The following MCTP2 variants were observed in gnomAD, a reference collection of about 807,000 sequenced individuals.
MCTP2 encodes multiple C2 and transmembrane domain-containing protein 2.
MCTP2 carries 132 observed loss-of-function variants against 111.6 expected under a neutral mutation model. The ratio of observed to expected loss-of-function variants is 1.18; its 90% confidence interval spans 1.03 to 1.37. The LOEUF is 1.37. Among genes scored for constraint, MCTP2 ranks in the 40% most tolerant of loss-of-function variants. MCTP2 has a pLI of 0.00. For missense variants in MCTP2, 1,183 were observed against 1,067.9 expected (o/e 1.11, Z -1.50); for synonymous variants, 395 against 387.7 (o/e 1.02, Z -0.22).
intron 4 of MCTP2, among the ~76,000 whole-genome samples, chr15:94,334,045 A>C (rs2077245603): frequency 6.6e-6 from 1 of 152,184 alleles, no homozygotes; most frequent in Admixed American, 6.5e-5. Flanking sequence ...ATCAAAGTAA[A>C]ATAAATGAAT....
intron 1 of MCTP2, among the ~76,000 whole-genome samples, chr15:94,272,806 G>T (rs1242170735): frequency 2.0e-5 from 3 of 151,998 alleles, no homozygotes; most frequent in South Asian, 2.1e-4. Flanking sequence ...ACCACTAAGT[G>T]TTGGAGTTCT....
intron 14 of MCTP2, among the ~76,000 whole-genome samples, chr15:94,394,049 C>CA (rs767685107): frequency 0.36 from 21,553 of 60,708 alleles, 3,643 homozygotes; most frequent in East Asian, 0.69. Context: ...AACTCCATCT[C>CA]AAAAAAAAAA....
intron 17 of MCTP2, among the ~76,000 whole-genome samples, chr15:94,411,021 C>G (rs1403569856): frequency 6.6e-6 from 1 of 152,228 alleles, no homozygotes; most frequent in Non-Finnish European, 1.5e-5. Flanking sequence ...GCTGGAAAAT[C>G]TCTAACTGCC....
chr15:94,464,402 T>TAATGTTGTTTATAACATCCTCTTATTC (rs2085471606), intron 20 of MCTP2, among the ~76,000 whole-genome samples: 2 of 151,022 alleles, frequency 1.3e-5, no homozygotes, highest in East Asian at 3.9e-4. Flanking sequence ...TCCTCTTATT[T>TAATGTTGTTTATAACATCCTCTTATTC]AATGTCAGTA....
chr15:94,355,518 C>T (rs1399112540), intron 8 of MCTP2, among the ~76,000 whole-genome samples: 2 of 152,178 alleles, frequency 1.3e-5, no homozygotes, highest in East Asian at 1.9e-4. Flanking sequence ...TGAACCCCTC[C>T]TGGGTCCCAG....
intron 3 of MCTP2, 33 bp downstream of exon 3, chr15:94,314,377 T>C: frequency 6.9e-7 from 1 of 1,458,000 alleles, no homozygotes; most frequent in Non-Finnish European, 9.5e-7. Context: ...AAACATTAAA[T>C]GTTGTAGATA....
At chr15:94,453,276 A>G (rs367768574) in intron 19 of MCTP2, among the ~76,000 whole-genome samples, 205 of 152,360 alleles carry the variant, frequency 1.3e-3, no homozygotes, top group African/African-American at 4.5e-3. Context: ...ACAACCAGGA[A>G]TGACCCATCT....
intron 16 of MCTP2, among the ~76,000 whole-genome samples, chr15:94,400,617 T>C (rs1261490332): frequency 1.3e-5 from 2 of 151,898 alleles, no homozygotes; most frequent in Admixed American, 6.6e-5. Context: ...TTTTTTTTTT[T>C]TTCCGTGACC....
intron 19 of MCTP2, among the ~76,000 whole-genome samples, chr15:94,443,503 G>T (rs2083907414): frequency 6.6e-6 from 1 of 152,176 alleles, no homozygotes. Context: ...CAAGTGAAAT[G>T]CCAAATGAGA....
chr15:94,283,557 T>C (rs180925007), intron 1 of MCTP2, among the ~76,000 whole-genome samples: 325 of 152,282 alleles, frequency 2.1e-3, no homozygotes, highest in African/African-American at 7.5e-3. Context: ...TCCATGCCTA[T>C]TTCATTCACC....
intron 19 of MCTP2, among the ~76,000 whole-genome samples, chr15:94,450,442 CT>C (rs2084375294): frequency 6.6e-6 from 1 of 152,224 alleles, no homozygotes; most frequent in South Asian, 2.1e-4. Context: ...TGGTGCATTG[CT>C]GGGATTCCCA....
At chr15:94,355,454 G>A (rs139863623) in intron 8 of MCTP2, among the ~76,000 whole-genome samples, 3 of 152,154 alleles carry the variant, frequency 2.0e-5, no homozygotes, top group East Asian at 1.9e-4. Context: ...TTCCTCCAAG[G>A]TATGTATGAG....
intron 12 of MCTP2, among the ~76,000 whole-genome samples, chr15:94,374,700 C>A (rs2079663443): frequency 6.6e-6 from 1 of 152,150 alleles, no homozygotes; most frequent in South Asian, 2.1e-4. Flanking sequence ...GGCCATTCTT[C>A]AGTCTCCCTC....
At position 94,317,802 on chromosome 15, in the gene MCTP2, C is replaced by T. The variant is rs915109919; in HGVS notation, c.637+2165C>T. Reference sequence around the variant, plus strand: ...TGTCCTTTTTTTTCTTAAAATTTCTCTCTCTCTTGCTCATGTTTTCTCAGA... The same window carrying T: ...TGTCCTTTTTTTTCTTAAAATTTCTTTCTCTCTTGCTCATGTTTTCTCAGA... On this transcript the variant is annotated intron_variant, in intron 4 of 22. Coordinates refer to ENST00000357742, the MANE Select transcript of MCTP2 (RefSeq NM_001385001.1). Among the ~76,000 whole-genome samples, 4 of 152,208 alleles carry T rather than the reference C, an allele frequency of 2.6e-5. No individual in the cohort carries two copies. The South Asian group carries it at 8.3e-4, about 32-fold the overall frequency.
chr15:94,384,179 GC>G, intron 13 of MCTP2, 55 bp downstream of exon 13: 1 of 1,202,778 alleles, frequency 8.3e-7, no homozygotes, highest in South Asian at 1.3e-5. Flanking sequence ...GTAGTCTGGG[GC>G]TCTTGAGTGG....
chr15:94,383,093 A>G (rs1485973220), intron 12 of MCTP2, among the ~76,000 whole-genome samples: 2 of 152,164 alleles, frequency 1.3e-5, no homozygotes, highest in East Asian at 3.8e-4. Context: ...TTATTGAGTT[A>G]TACTTTTTTT....
In MCTP2 at chr15:94,358,528, T is replaced by G. The variant is rs567376200; in HGVS notation, c.1217T>G (p.Phe406Cys). 1 of 1,613,804 alleles carries G rather than the reference T, an allele frequency of 6.2e-7. No individual in the cohort carries two copies. The highest frequency in any genetic ancestry group is 1.7e-5 in the Admixed American group (1 of 60,008). Residue 406 changes from phenylalanine to cysteine, a missense_variant, in exon 10 of 23, where the codon TTT (phenylalanine) becomes TGT (cysteine). Coordinates refer to ENST00000357742, the MANE Select transcript of MCTP2 (RefSeq NM_001385001.1). ...CCGCAGTGGCAGGAACAGTTTGACT[T>G]TCACTACTTCTCTGACAGGATGGGC... ...ANPQWQEQFD[F>C]HYFSDRMGIL...
Position 94,399,924 on chromosome 15 carries a change from A to T in MCTP2, c.1894A>T (p.Lys632Ter). The change falls in exon 16 of 23, where the codon AAA (lysine) becomes TAA (stop). Residue 632 changes from lysine (K) to a stop codon, truncating the protein, a stop_gained. Coordinates refer to ENST00000357742, the MANE Select transcript of MCTP2 (RefSeq NM_001385001.1). LOFTEE classifies it high-confidence loss of function. The stretch of plus-strand genomic sequence containing the variant: ...TTAACAAGGATGTCTTTTCTAGGTG[A>T]AAGCAAGTATTAGGACTTTTACTCC... Reference protein sequence around the residue: ...LEMDLIYNPVKASIRTFTPRE... With the variant: ...LEMDLIYNPV 6.2e-7 allele frequency: 1 copy of T among 1,613,806 alleles called. No homozygotes were observed. Among genetic ancestry groups the T allele is most frequent in the Non-Finnish European group, 8.5e-7 (1 of 1,179,728 alleles).
chr15:94,335,868 T>A (rs2077336963), intron 4 of MCTP2, among the ~76,000 whole-genome samples: 1 of 152,168 alleles, frequency 6.6e-6, no homozygotes, highest in African/African-American at 2.4e-5. Flanking sequence ...TCCTGTAAAA[T>A]GCCCAAGAAA....
Sources: gnomAD v4.1 joint callset for allele counts (sites outside exome capture counted in the v4.1 genomes callset) on GRCh38, gnomAD v4.1.1 for gene constraint, MANE v1.5 for transcripts, NCBI Gene and HGNC (gene_info 2026-07-23, HGNC 2026-07-21) for gene names.